Variants in UGT1A9 observed in about 807,000 individuals in gnomAD.
UGT1A9 encodes UDP glucuronosyltransferase family 1 member A9, also known as UDP-glucuronosyltransferase 1A9.
A neutral mutation model predicts 45.0 loss-of-function variants in UGT1A9; 35 were observed. The observed-to-expected ratio is 0.78, with a 90% CI of 0.59 to 1.03. UGT1A9 has a LOEUF of 1.03. UGT1A9 is among the 50% of genes least tolerant of loss of function. The probability of loss-of-function intolerance (pLI) is 0.00; values close to 1 mark genes in which losing one functional copy is unlikely to be tolerated. For synonymous variants in UGT1A9, 278 were observed against 250.6 expected (o/e 1.11, Z -1.03); for missense variants, 687 against 666.6 (o/e 1.03, Z -0.34).
intron 3 of UGT1A9, 118 bp from the exon 4 acceptor site, chr2:233,768,102 A>T (rs1036317794): frequency 6.3e-7 from 1 of 1,593,190 alleles, no homozygotes; most frequent in African/African-American, 1.3e-5. Context: ...TCTTCTGCAA[A>T]TTTCTGCAAG....
At chr2:233,695,050 C>T (rs1334618880) in intron 1 of UGT1A9, among the ~76,000 whole-genome samples, 1 of 152,156 alleles carries the variant, frequency 6.6e-6, no homozygotes, top group Admixed American at 6.5e-5. Flanking sequence ...ACCATAGTCA[C>T]CCTACTGTGC....
chr2:233,743,665 C>T lies in UGT1A9; in HGVS notation c.856-23369C>T, dbSNP rs1373066127. Reference sequence around the variant, plus strand: ...AGCTGAAGACGTACTCGAAGGGGTCCTCGAAGGGCCTGCCGCCTGTGCAGC... The same window carrying T: ...AGCTGAAGACGTACTCGAAGGGGTCTTCGAAGGGCCTGCCGCCTGTGCAGC... On this transcript the variant is annotated intron_variant, in intron 1 of 4. Coordinates refer to ENST00000354728, the MANE Select transcript of UGT1A9 (RefSeq NM_021027.3). 9 of 1,367,242 alleles carry T rather than the reference C, an allele frequency of 6.6e-6. 2 individuals are homozygous for T. The African/African-American group carries it at 1.3e-4, about 20-fold the overall frequency. The allele number at this position is 1,367,242 out of a possible 1,614,324, so 84.7% of individuals were successfully genotyped here. A position where few individuals can be genotyped will look rare whatever the true frequency, so the allele number is the denominator to read the frequency against.
intron 1 of UGT1A9, chr2:233,717,680 G>T: frequency 2.3e-6 from 1 of 437,998 alleles, no homozygotes; most frequent in Admixed American, 2.4e-5. Context: ...GCGAGCACAT[G>T]TAGGAGTGAC....
chr2:233,738,480 A>T (rs981519178), intron 1 of UGT1A9, among the ~76,000 whole-genome samples: 1 of 152,194 alleles, frequency 6.6e-6, no homozygotes, highest in African/African-American at 2.4e-5. Flanking sequence ...CTTCCTGGAG[A>T]CTTGTTGAAC....
At chr2:233,701,138 G>A (rs1232602539) in intron 1 of UGT1A9, among the ~76,000 whole-genome samples, 2 of 152,142 alleles carry the variant, frequency 1.3e-5, no homozygotes, top group Non-Finnish European at 2.9e-5. Flanking sequence ...ATTTAGGTTG[G>A]TTCCAAGTCT....
intron 1 of UGT1A9, among the ~76,000 whole-genome samples, chr2:233,744,247 T>C (rs1227654990): frequency 1.3e-5 from 2 of 151,818 alleles, no homozygotes; most frequent in Non-Finnish European, 2.9e-5. Flanking sequence ...TTTGGCTGCC[T>C]GAAGAACTGT....
chr2:233,705,733 G>A (rs931204159), intron 1 of UGT1A9, among the ~76,000 whole-genome samples: 1 of 152,162 alleles, frequency 6.6e-6, no homozygotes, highest in Admixed American at 6.5e-5. Flanking sequence ...AATACCCTGA[G>A]CAGGTAGGTC....
intron 1 of UGT1A9, among the ~76,000 whole-genome samples, chr2:233,680,213 G>C (rs1240097253): frequency 6.6e-6 from 1 of 152,038 alleles, no homozygotes; most frequent in Non-Finnish European, 1.5e-5. Flanking sequence ...GCACTTTATA[G>C]TCCCATGGTG....
intron 1 of UGT1A9, among the ~76,000 whole-genome samples, chr2:233,732,331 T>C (rs2078260984): frequency 6.6e-6 from 1 of 152,256 alleles, no homozygotes; most frequent in Admixed American, 6.5e-5. Flanking sequence ...TTTGTTGCCA[T>C]TGCTTTTGGT....
At chr2:233,724,335 G>C (rs2077226383) in intron 1 of UGT1A9, among the ~76,000 whole-genome samples, 1 of 147,976 alleles carries the variant, frequency 6.8e-6, no homozygotes, top group African/African-American at 2.5e-5. Flanking sequence ...CCAGGCGGGG[G>C]GCTGACCCCC....
Position 233,760,303 on chromosome 2 carries a change from C to T in UGT1A9, c.856-6731C>T, listed in dbSNP as rs2125982207. ...CAAAGGCGCCATGGCTGTGGAGTCC[C>T]AGGGCGGACGCCCACTTGTCCTGGG... On this transcript the variant is annotated intron_variant, in intron 1 of 4. Coordinates refer to ENST00000354728, the MANE Select transcript of UGT1A9 (RefSeq NM_021027.3). 2 of 1,613,696 alleles carry T rather than the reference C, an allele frequency of 1.2e-6. No individual in the cohort carries two copies. Among genetic ancestry groups the T allele is most frequent in the South Asian group, 1.1e-5 (1 of 91,060 alleles).
At chr2:233,692,569 C>G (rs2075102879) in intron 1 of UGT1A9, among the ~76,000 whole-genome samples, 3 of 152,158 alleles carry the variant, frequency 2.0e-5, no homozygotes, top group Admixed American at 2.0e-4. Context: ...GGATACCCAG[C>G]TGGTGTTAGA....
At chr2:233,674,004 A>G (rs17862858) in intron 1 of UGT1A9, among the ~76,000 whole-genome samples, 5,514 of 152,276 alleles carry the variant, frequency 0.036, 132 homozygotes, top group Admixed American at 0.06. Flanking sequence ...TGAAAAGTCC[A>G]TGACAAATAC....
chr2:233,729,346 T>C (rs1339922469), intron 1 of UGT1A9: 1 of 1,614,150 alleles, frequency 6.2e-7, no homozygotes, highest in Non-Finnish European at 8.5e-7. Context: ...AGAAGAGAAC[T>C]TTTTCACCCT....
At chr2:233,730,000 A>G (rs569428615) in intron 1 of UGT1A9, 10 of 1,614,004 alleles carry the variant, frequency 6.2e-6, no homozygotes, top group Admixed American at 3.3e-5. Context: ...TCAGGTCTGT[A>G]TTGGTGCCTT....
chr2:233,681,400 A>G (rs774539433), intron 1 of UGT1A9, among the ~76,000 whole-genome samples: 2 of 151,694 alleles, frequency 1.3e-5, no homozygotes, highest in Non-Finnish European at 2.9e-5. Context: ...TGGGCATGGC[A>G]GCGTGCGCCT....
rs377261801 is a variant in UGT1A9, at chr2:233,719,531, G to C, written c.855+46742G>C. On this transcript the variant is annotated intron_variant, in intron 1 of 4. Transcript: ENST00000354728. ...CCCCTTATGCAAGTCTTGCCTCTGAGCTTTTTCAGAGAGAGGTGTCAGTGG... is the reference window on the plus strand; with the variant it reads ...CCCCTTATGCAAGTCTTGCCTCTGACCTTTTTCAGAGAGAGGTGTCAGTGG... 3.1e-5 allele frequency: 50 copies of C among 1,613,928 alleles called. No homozygotes were observed. In the African/African-American group the frequency reaches 6.5e-4, roughly 21 times the overall value.
intron 1 of UGT1A9, among the ~76,000 whole-genome samples, chr2:233,687,583 TAAAAAAAAAAAAA>T (rs71398794): frequency 1.9e-5 from 2 of 107,472 alleles, no homozygotes; most frequent in African/African-American, 6.7e-5. Context: ...ACATTCTTTG[TAAAAAAAAAAAAA>T]AAAAAAAAAA....
intron 1 of UGT1A9, chr2:233,747,510 T>C (rs1693700936): frequency 1.9e-6 from 3 of 1,608,048 alleles, no homozygotes; most frequent in Non-Finnish European, 2.6e-6. Flanking sequence ...CACTCAACTG[T>C]ACTTTGAAAC....
Sources: gnomAD v4.1 joint callset for allele counts (sites outside exome capture counted in the v4.1 genomes callset) on GRCh38, gnomAD v4.1.1 for gene constraint, MANE v1.5 for transcripts, NCBI Gene and HGNC (gene_info 2026-07-23, HGNC 2026-07-21) for gene names.